Variants in LHX3 observed in about 807,000 individuals in gnomAD.
LHX3 encodes LIM homeobox 3.
LHX3 carries 21 observed loss-of-function variants against 32.4 expected under a neutral mutation model. That is an observed-to-expected ratio of 0.65 (90% CI 0.46 to 0.93). LHX3 has a LOEUF of 0.93. Among genes scored for constraint, LHX3 ranks in the 40% least tolerant of loss-of-function variants. The pLI, the probability that LHX3 is intolerant of heterozygous loss-of-function variation, is 0.00. For synonymous variants in LHX3, 258 were observed against 246.8 expected (o/e 1.05, Z -0.43); for missense variants, 626 against 560.0 (o/e 1.12, Z -1.19).
chr9:136,201,381 C>T (rs1045276582), intron 1 of LHX3: 1 of 1,237,946 alleles, frequency 8.1e-7, no homozygotes, highest in Non-Finnish European at 1.0e-6. Flanking sequence ...CGTGGGTGCC[C>T]CCAACACCGT....
At chr9:136,203,160 C>CTGGGG in intron 1 of LHX3, 2 of 1,309,684 alleles carry the variant, frequency 1.5e-6, no homozygotes, top group African/African-American at 3.1e-5. Flanking sequence ...GGCGCTGCGC[C>CTGGGG]CGCGGGCCGC....
intron 1 of LHX3, among the ~76,000 whole-genome samples, chr9:136,202,483 G>A (rs528978360): frequency 1.3e-5 from 2 of 152,300 alleles, no homozygotes; most frequent in African/African-American, 4.8e-5. Context: ...GTCTGTGGGC[G>A]CAGACGCTGA....
At chr9:136,201,103 C>G in intron 1 of LHX3, 2 of 1,407,890 alleles carry the variant, frequency 1.4e-6, no homozygotes, top group Admixed American at 3.0e-5. Flanking sequence ...AAACCCCACC[C>G]CAGGGGGATC....
intron 1 of LHX3, 63 bp downstream of exon 1, chr9:136,204,870 AC>A: frequency 2.2e-6 from 3 of 1,358,294 alleles, no homozygotes; most frequent in Non-Finnish European, 2.0e-6. Context: ...CCCTGCACGC[AC>A]CCCCTTCCTC....
chr9:136,203,649 T>C (rs1218380975), intron 1 of LHX3, among the ~76,000 whole-genome samples: 2 of 152,214 alleles, frequency 1.3e-5, no homozygotes, highest in Non-Finnish European at 2.9e-5. Flanking sequence ...AACAGGCTTC[T>C]GGGCTCCACC....
At position 136,198,859 on chromosome 9, in the gene LHX3, G is replaced by T. The variant is rs759689000; in HGVS notation, c.607-39C>A. ...GGGGTGAGCGGCCGCCCGGCTCTGC[G>T]GGGGCCCCCAAGGCCGCGGGCGGGA... On this transcript the variant is annotated intron_variant, in intron 4 of 5. Coordinates refer to ENST00000371748, the MANE Select transcript of LHX3 (RefSeq NM_178138.6). 15 of 1,595,346 alleles carry T rather than the reference G, an allele frequency of 9.4e-6. No homozygotes were observed. The Admixed American group carries it at 1.0e-4, about 11-fold the overall frequency.
At chr9:136,200,033 G>A (rs1418116675) in intron 2 of LHX3, 153 bp from the exon 3 acceptor site, 6 of 790,042 alleles carry the variant, frequency 7.6e-6, no homozygotes, top group African/African-American at 3.4e-5. Flanking sequence ...GGCCGCCGGG[G>A]CAGAGCTGCC....
In LHX3 at chr9:136,201,850, G is replaced by A. The variant is rs549565036; in HGVS notation, c.80-1097C>T. On this transcript the variant is annotated intron_variant, in intron 1 of 5. Transcript: ENST00000371748. Reference sequence around the variant, plus strand: ...GCGCCCGGGGTCCCCATCGTGGGCAGCGATCGCAGGCGAGGACCCGGCTCG... The same window carrying A: ...GCGCCCGGGGTCCCCATCGTGGGCAACGATCGCAGGCGAGGACCCGGCTCG... Among the ~76,000 whole-genome samples the A allele has an allele frequency of 9.8e-5, 15 of 152,342 alleles. 1 individual carries two copies. In the East Asian group the frequency reaches 2.9e-3, roughly 29 times the overall value.
At chr9:136,203,190 G>C (rs965606590) in intron 1 of LHX3, 182 of 1,138,034 alleles carry the variant, frequency 1.6e-4, no homozygotes, top group Admixed American at 4.4e-4. Flanking sequence ...CGGAGCCTCT[G>C]GCCGAGCGGA....
At chr9:136,204,116 TCA>T (rs1158341037) in intron 1 of LHX3, among the ~76,000 whole-genome samples, 2 of 152,242 alleles carry the variant, frequency 1.3e-5, no homozygotes, top group Non-Finnish European at 2.9e-5. Context: ...CCTGTGGGTC[TCA>T]CAGCAATACT....
chr9:136,200,000 C>T, intron 2 of LHX3, 120 bp from the exon 3 acceptor site: 1 of 1,089,094 alleles, frequency 9.2e-7, no homozygotes, highest in Non-Finnish European at 1.3e-6. Context: ...CTCTGTCCGG[C>T]CCTGCAGGGT....
In LHX3 at chr9:136,198,780, T is replaced by C. The variant is rs1428459523; in HGVS notation, c.647A>G (p.Lys216Arg). Reference sequence around the variant, plus strand: ...CCAGCGCTGCCGGCCGGCGTCCTTCTTCAGCCTCTTCTCCTTGGCCCGGCG... The same window carrying C: ...CCAGCGCTGCCGGCCGGCGTCCTTCCTCAGCCTCTTCTCCTTGGCCCGGCG... ...QNRRAKEKRLKKDAGRQRWGQ... is the reference protein window; with the variant it reads ...QNRRAKEKRLRKDAGRQRWGQ... Residue 216 changes from lysine to arginine, a missense_variant, in exon 5 of 6, where the codon AAG (lysine) becomes AGG (arginine). Transcript: ENST00000371748. 1.9e-6 allele frequency: 3 copies of C among 1,610,670 alleles called. No individual in the cohort carries two copies. The highest frequency in any genetic ancestry group is 4.5e-5 in the East Asian group (2 of 44,812).
rs750721396 is a variant in LHX3, at chr9:136,198,701, C to A, written c.726G>T (p.Lys242Asn). The change falls in exon 5 of 6, where the codon AAG becomes AAT. Residue 242 changes from lysine (K) to asparagine (N), a missense_variant. Transcript: ENST00000371748. ...TGTCCTGCCCCTCCTGAACGCTGTC[C>A]TTGTCCGACTTGGAGCCGCCGCGGG... ...KRSRGGSKSD[K>N]DSVQEGQDSD... The A allele has an allele frequency of 6.2e-7, 1 of 1,611,148 alleles. No homozygotes were observed.
intron 1 of LHX3, chr9:136,203,215 G>GGGGGCGGGGCCGC (rs1831688665): frequency 3.2e-6 from 3 of 927,778 alleles, no homozygotes; most frequent in African/African-American, 1.8e-5. Flanking sequence ...GGAGCGGCCG[G>GGGGGCGGGGCCGC]GGGGCGGGGC....
In LHX3 at chr9:136,197,363, C is replaced by T. The variant is rs373487851; in HGVS notation, c.1156G>A (p.Ala386Thr). 9 of 1,612,030 alleles carry T rather than the reference C, an allele frequency of 5.6e-6. No individual in the cohort carries two copies. The highest frequency in any genetic ancestry group is 4.0e-5 in the African/African-American group (3 of 74,926). ...GGYPDFPASP[A>T]SWLDEVDHAQ... ...TGGTCTACCTCATCCAGCCAGGAGG[C>T]GGGGCTGGCAGGGAAGTCGGGGTAA... is the stretch of plus-strand genomic sequence containing the variant. The change falls in exon 6 of 6, where the codon GCC becomes ACC. Residue 386 changes from alanine (A) to threonine (T), a missense_variant. Physicochemically the swap from Ala to Thr is moderately conservative, Grantham distance 58. Transcript: ENST00000371748.
Position 136,200,656 on chromosome 9 carries a change from G to T in LHX3, c.177C>A (p.Ser59Arg). Residue 59 changes from serine (S) to arginine (R), a missense_variant, in exon 2 of 6, where the codon AGC becomes AGA. Ser to Arg is a moderately radical substitution (Grantham distance 110, BLOSUM62 -1). Coordinates refer to ENST00000371748, the MANE Select transcript of LHX3 (RefSeq NM_178138.6). ...GCTCGGCCAGTGGCGTGTGGCAGTC[G>T]CTGCACTTGAGACACTTGCTGTGCC... The part of the protein sequence containing the change: ...RHWHSKCLKC[S>R]DCHTPLAERC... The T allele has an allele frequency of 6.2e-7, 1 of 1,613,614 alleles. No individual in the cohort carries two copies.
At chr9:136,203,112 G>T in intron 1 of LHX3, 5 of 1,390,832 alleles carry the variant, frequency 3.6e-6, no homozygotes, top group Non-Finnish European at 4.7e-6. Flanking sequence ...CCCCGCAATA[G>T]CCCCGAACCG....
chr9:136,201,945 A>T (rs1029193628), intron 1 of LHX3, among the ~76,000 whole-genome samples: 2 of 151,922 alleles, frequency 1.3e-5, no homozygotes, highest in South Asian at 4.1e-4. Flanking sequence ...CCTCGGCCGC[A>T]GCTCGCCGCC....
rs575020120 is a variant in LHX3 at position 136,202,322 on chromosome 9, C to A, written c.80-1569G>T. ...GGGCCTCCTTCCCCATCCTGCGGCT[C>A]CAGCTGGCCCGGGAGTCGAGGAGAA... On this transcript the variant is annotated intron_variant, in intron 1 of 5. Coordinates refer to ENST00000371748, the MANE Select transcript of LHX3 (RefSeq NM_178138.6). 2.6e-5 allele frequency among the ~76,000 whole-genome samples: 4 copies of A among 152,266 alleles called. No individual in the cohort carries two copies. In the South Asian group the frequency reaches 8.3e-4, roughly 32 times the overall value.
Sources: allele counts gnomAD v4.1 joint callset (sites outside exome capture counted in the v4.1 genomes callset), GRCh38; gene constraint gnomAD v4.1.1; transcripts MANE v1.5; gene names NCBI Gene and HGNC (gene_info 2026-07-23, HGNC 2026-07-21).